CNOT9: variants seen among roughly 807,000 people sequenced by gnomAD.
CNOT9 encodes CCR4-NOT transcription complex subunit 9, also known as RCD1 required for cell differentiation1 homolog.
A neutral mutation model predicts 37.4 loss-of-function variants in CNOT9; 8 were observed. The observed-to-expected ratio is 0.21, with a 90% CI of 0.13 to 0.39. CNOT9 has a LOEUF of 0.39. Among genes scored for constraint, CNOT9 ranks in the 10% least tolerant of loss-of-function variants. The pLI is 1.00. For missense variants in CNOT9, 154 were observed against 365.3 expected, an observed-to-expected ratio of 0.42 and a Z score of 4.71; for synonymous variants, 120 against 137.6, an observed-to-expected ratio of 0.87 and a Z score of 0.90.
chr2:218,578,656 C>T (rs976334205), intron 1 of CNOT9, among the ~76,000 whole-genome samples: 9 of 152,218 alleles, frequency 5.9e-5, no homozygotes, highest in African/African-American at 1.7e-4. Context: ...CCTTCCCCCC[C>T]GCCTCCCGCT....
At chr2:218,573,318 TAAAAAAAA>T (rs34596336) in intron 1 of CNOT9, among the ~76,000 whole-genome samples, 6,831 of 132,868 alleles carry the variant, frequency 0.051, 438 homozygotes, top group African/African-American at 0.17. Context: ...AACTCCATCT[TAAAAAAAA>T]AAAAAAAAAA....
At chr2:218,581,520 A>C (rs1035422275) in intron 2 of CNOT9, among the ~76,000 whole-genome samples, 1 of 152,114 alleles carries the variant, frequency 6.6e-6, no homozygotes, top group Non-Finnish European at 1.5e-5. Context: ...AGGTGGGTAC[A>C]CTTGTACATT....
intron 2 of CNOT9, among the ~76,000 whole-genome samples, chr2:218,581,866 G>A (rs1488396934): frequency 6.6e-6 from 1 of 152,106 alleles, no homozygotes; most frequent in Non-Finnish European, 1.5e-5. Context: ...AGGATTGCTT[G>A]AGCCCAGGAG....
intron 1 of CNOT9, chr2:218,574,217 A>C (rs556975269): frequency 1.2e-3 from 305 of 249,282 alleles, no homozygotes; most frequent in Admixed American, 3.3e-3. Flanking sequence ...CAGCCTCCCA[A>C]AGTGCTGGGA....
intron 3 of CNOT9, among the ~76,000 whole-genome samples, chr2:218,583,633 G>A (rs778115360): frequency 3.9e-5 from 6 of 152,124 alleles, no homozygotes; most frequent in Non-Finnish European, 7.4e-5. Context: ...AATCTACTTT[G>A]TGGGCTTTTA....
intron 1 of CNOT9, among the ~76,000 whole-genome samples, chr2:218,572,318 T>C (rs1694027177): frequency 1.3e-5 from 2 of 152,046 alleles, no homozygotes; most frequent in Non-Finnish European, 2.9e-5. Flanking sequence ...CAAGACTCCA[T>C]CTTTAAAAAA....
At chr2:218,572,339 AAG>A (rs775680326) in intron 1 of CNOT9, among the ~76,000 whole-genome samples, 2 of 152,140 alleles carry the variant, frequency 1.3e-5, no homozygotes, top group Non-Finnish European at 2.9e-5. Context: ...AAATGAAAGA[AAG>A]AATAACAAAA....
intron 4 of CNOT9, among the ~76,000 whole-genome samples, chr2:218,584,980 G>A (rs1205954642): frequency 6.6e-6 from 1 of 152,180 alleles, no homozygotes; most frequent in Non-Finnish European, 1.5e-5. Flanking sequence ...TGGAATTGTA[G>A]GGAGAGTAAA....
At chr2:218,576,250 G>A (rs1412811558) in intron 1 of CNOT9, among the ~76,000 whole-genome samples, 1 of 152,036 alleles carries the variant, frequency 6.6e-6, no homozygotes, top group African/African-American at 2.4e-5. Flanking sequence ...TTTTATTTAG[G>A]AATGTCCAAA....
At chr2:218,579,938 C>T (rs1002559342) in intron 1 of CNOT9, among the ~76,000 whole-genome samples, 7 of 151,740 alleles carry the variant, frequency 4.6e-5, no homozygotes, top group African/African-American at 1.7e-4. Context: ...AGTGCCTCAG[C>T]CTCCTGAGTA....
At chr2:218,580,799 T>A in intron 2 of CNOT9, 59 bp downstream of exon 2, 2 of 1,458,524 alleles carry the variant, frequency 1.4e-6, no homozygotes, top group Non-Finnish European at 1.9e-6. Context: ...TATATTTCTT[T>A]ACCTTTGCCC....
rs1694532528 is a variant in CNOT9 at position 218,584,730 on chromosome 2, T to C, written c.430+9T>C. On this transcript the variant is annotated intron_variant, in intron 4 of 7. Coordinates refer to ENST00000273064, the MANE Select transcript of CNOT9 (RefSeq NM_005444.3). ...CAGCCTTGGAGTTATTGGTAAGTTATTAGAATTGTTTTGCAAGCCTGAAAT... is the reference window on the plus strand; with the variant it reads ...CAGCCTTGGAGTTATTGGTAAGTTACTAGAATTGTTTTGCAAGCCTGAAAT... 2 of 1,582,716 alleles carry C rather than the reference T, an allele frequency of 1.3e-6. No homozygotes were observed. Among genetic ancestry groups the C allele is most frequent in the African/African-American group, 1.3e-5 (1 of 74,178 alleles).
At chr2:218,580,325 G>A (rs1694331333) in intron 1 of CNOT9, among the ~76,000 whole-genome samples, 1 of 152,178 alleles carries the variant, frequency 6.6e-6, no homozygotes, top group Non-Finnish European at 1.5e-5. Flanking sequence ...CTTTAGCACA[G>A]CCCAATTATA....
chr2:218,579,677 A>T (rs1273037351), intron 1 of CNOT9, among the ~76,000 whole-genome samples: 1 of 151,714 alleles, frequency 6.6e-6, no homozygotes, highest in Non-Finnish European at 1.5e-5. Flanking sequence ...TAGTAGAGAC[A>T]CCAGTTTCAC....
At chr2:218,575,696 C>G (rs533920164) in intron 1 of CNOT9, among the ~76,000 whole-genome samples, 1 of 152,300 alleles carries the variant, frequency 6.6e-6, no homozygotes, top group South Asian at 2.1e-4. Context: ...AGCCACCGTG[C>G]CGGACTTCAT....
At chr2:218,593,383 C>G in intron 7 of CNOT9, 1 of 476,024 alleles carries the variant, frequency 2.1e-6, no homozygotes, top group East Asian at 3.1e-5. Flanking sequence ...CCATTTTATC[C>G]TGTTCTTCAG....
Position 218,568,940 on chromosome 2 carries a change from G to C in CNOT9, c.-15G>C, listed in dbSNP as rs766471106. On this transcript the variant is annotated 5_prime_UTR_variant, in exon 1 of 8. Transcript: ENST00000273064. ...ACGCGTCCGGCTGTGGAAGAGAGCGGCGGCCGCTCACAACATGCACAGCCT... is the reference window on the plus strand; with the variant it reads ...ACGCGTCCGGCTGTGGAAGAGAGCGCCGGCCGCTCACAACATGCACAGCCT... 4 of 1,607,160 alleles carry C rather than the reference G, an allele frequency of 2.5e-6. No homozygotes were observed. Among genetic ancestry groups the C allele is most frequent in the Non-Finnish European group, 2.5e-6 (3 of 1,177,034 alleles).
At chr2:218,582,338 A>G (rs1694416582) in intron 2 of CNOT9, among the ~76,000 whole-genome samples, 1 of 152,180 alleles carries the variant, frequency 6.6e-6, no homozygotes, top group Admixed American at 6.5e-5. Flanking sequence ...CCCTCAACTG[A>G]TAGCCTCAGT....
At chr2:218,570,695 A>G (rs1243471235) in intron 1 of CNOT9, among the ~76,000 whole-genome samples, 1 of 152,196 alleles carries the variant, frequency 6.6e-6, no homozygotes, top group Non-Finnish European at 1.5e-5. Flanking sequence ...TATCTTCGAT[A>G]CTGAGCCACT....
Sources: gnomAD v4.1 joint callset for allele counts (sites outside exome capture counted in the v4.1 genomes callset) on GRCh38, gnomAD v4.1.1 for gene constraint, MANE v1.5 for transcripts, NCBI Gene and HGNC (gene_info 2026-07-23, HGNC 2026-07-21) for gene names.